NAALADL2: variants seen among roughly 807,000 people sequenced by gnomAD.
NAALADL2 encodes inactive N-acetylated-alpha-linked acidic dipeptidase-like protein 2.
A neutral mutation model predicts 87.2 loss-of-function variants in NAALADL2; 76 were observed. The ratio of observed to expected loss-of-function variants is 0.87; its 90% confidence interval spans 0.72 to 1.05. The LOEUF is 1.05. Among genes scored for constraint, NAALADL2 ranks in the 50% least tolerant of loss-of-function variants. The probability of loss-of-function intolerance (pLI) is 0.00; values close to 1 mark genes in which losing one functional copy is unlikely to be tolerated. For missense variants in NAALADL2, 1,089 were observed against 945.8 expected, an observed-to-expected ratio of 1.15 and a Z score of -1.99; for synonymous variants, 354 against 331.0, an observed-to-expected ratio of 1.07 and a Z score of -0.75.
intron 3 of NAALADL2, among the ~76,000 whole-genome samples, chr3:174,841,896 T>C (rs946726400): frequency 5.3e-5 from 8 of 152,194 alleles, no homozygotes; most frequent in Non-Finnish European, 8.8e-5. Flanking sequence ...ATGCCTTCCT[T>C]AGCATTCCTC....
chr3:174,767,304 G>C (rs1274647402), intron 3 of NAALADL2, among the ~76,000 whole-genome samples: 2 of 151,992 alleles, frequency 1.3e-5, no homozygotes, highest in Non-Finnish European at 2.9e-5. Flanking sequence ...ACATAATCAA[G>C]TTTGTTGCAT....
intron 2 of NAALADL2, among the ~76,000 whole-genome samples, chr3:175,148,599 CTTAG>C (rs1206717421): frequency 1.2e-4 from 19 of 152,136 alleles, no homozygotes; most frequent in Non-Finnish European, 2.8e-4. Flanking sequence ...TCTAATTCAT[CTTAG>C]TTAGTTAGTT....
At chr3:174,675,783 C>A (rs1279052740) in intron 2 of NAALADL2, among the ~76,000 whole-genome samples, 1 of 151,956 alleles carries the variant, frequency 6.6e-6, no homozygotes, top group African/African-American at 2.4e-5. Context: ...AGTAAGTCTA[C>A]CGAGTTTGAT....
Position 175,324,966 on chromosome 3 carries a change from C to A in NAALADL2, c.1090+641C>A, listed in dbSNP as rs1290206017. ...AATGGTGATTTTGGCAGATGCTCAC[C>A]GCATCATTGAATTTCTGTCCGATGT... On this transcript the variant is annotated intron_variant, in intron 5 of 13. Coordinates refer to ENST00000454872, the MANE Select transcript of NAALADL2 (RefSeq NM_207015.3). Among the ~76,000 whole-genome samples the A allele has an allele frequency of 2.6e-5, 4 of 152,246 alleles. No individual in the cohort carries two copies. In the East Asian group the frequency reaches 7.7e-4, roughly 29 times the overall value.
rs181948262 is a variant in NAALADL2, at chr3:175,131,556, A to G, written c.545+34265A>G. ...CATGTCTACCTCTTTCTACACAGAC[A>G]TGGCAACCATCCGATTTCTCAATCT... On this transcript the variant is annotated intron_variant, in intron 2 of 13. Transcript: ENST00000454872. 4.9e-3 allele frequency among the ~76,000 whole-genome samples: 739 copies of G among 152,296 alleles called. 4 individuals carry two copies. Among genetic ancestry groups the G allele is most frequent in the Middle Eastern group, 0.02 (6 of 294 alleles).
At chr3:175,403,653 A>G (rs1269330205) in intron 5 of NAALADL2, among the ~76,000 whole-genome samples, 1 of 152,282 alleles carries the variant, frequency 6.6e-6, no homozygotes, top group East Asian at 1.9e-4. Context: ...ATAATAAAGT[A>G]AGAAATGTCT....
intron 4 of NAALADL2, among the ~76,000 whole-genome samples, chr3:175,266,269 TTAA>T (rs1330699603): frequency 6.6e-6 from 1 of 151,270 alleles, no homozygotes; most frequent in Non-Finnish European, 1.5e-5. Flanking sequence ...TTTAAATATT[TTAA>T]TCATCTAATA....
At chr3:174,674,091 G>T (rs1411916389) in intron 2 of NAALADL2, among the ~76,000 whole-genome samples, 1 of 151,972 alleles carries the variant, frequency 6.6e-6, no homozygotes, top group Non-Finnish European at 1.5e-5. Context: ...AGGTTCTGGG[G>T]AGGTCTCAGG....
chr3:174,794,272 G>A (rs940481335), intron 3 of NAALADL2, among the ~76,000 whole-genome samples: 5 of 151,876 alleles, frequency 3.3e-5, no homozygotes, highest in African/African-American at 4.8e-5. Flanking sequence ...TGAAAAAAGC[G>A]GCAAGTATTT....
chr3:174,737,639 A>G lies in NAALADL2; in HGVS notation c.-114-2A>G, dbSNP rs1402038695. 1 of 152,228 alleles carries G rather than the reference A, an allele frequency of 6.6e-6. No homozygotes were observed. Among genetic ancestry groups the G allele is most frequent in the East Asian group, 1.9e-4 (1 of 5,194 alleles). The allele number at this position is 152,228 out of a possible 1,614,324, so 9.4% of individuals were successfully genotyped here. On this transcript the variant is annotated splice_acceptor_variant, in intron 2 of 3. Coordinates refer to the NAALADL2 transcript ENST00000434257. LOFTEE classifies it low-confidence loss of function (5UTR_SPLICE). ...TAACTCTGGTTTTTGATTTATGAACAGGAAATGAGCATTGACTATTAGGCA... is the reference window on the plus strand; with the variant it reads ...TAACTCTGGTTTTTGATTTATGAACGGGAAATGAGCATTGACTATTAGGCA...
intron 2 of NAALADL2, among the ~76,000 whole-genome samples, chr3:175,177,888 C>G (rs191205499): frequency 6.6e-6 from 1 of 151,746 alleles, no homozygotes. Flanking sequence ...ACAAAATAAT[C>G]TAAAAGCAGC....
At chr3:174,610,427 G>A (rs1719697439) in intron 2 of NAALADL2, among the ~76,000 whole-genome samples, 1 of 151,516 alleles carries the variant, frequency 6.6e-6, no homozygotes, top group South Asian at 2.1e-4. Context: ...CTGACAAAGG[G>A]CTAATATCCA....
At chr3:174,594,688 G>C (rs1183131061) in intron 2 of NAALADL2, among the ~76,000 whole-genome samples, 1 of 152,122 alleles carries the variant, frequency 6.6e-6, no homozygotes, top group African/African-American at 2.4e-5. Context: ...CACATAATAG[G>C]TCATATAGAC....
At chr3:175,541,251 A>G (rs963667090) in intron 9 of NAALADL2, among the ~76,000 whole-genome samples, 8 of 152,130 alleles carry the variant, frequency 5.3e-5, no homozygotes, top group African/African-American at 1.4e-4. Context: ...ACTTCTTCCT[A>G]CTCTCCAAAC....
intron 5 of NAALADL2, among the ~76,000 whole-genome samples, chr3:175,344,545 CAT>C (rs1032600757): frequency 6.6e-6 from 1 of 151,882 alleles, no homozygotes; most frequent in African/African-American, 2.4e-5. Flanking sequence ...AATAATTTGA[CAT>C]AACTTTAAAA....
At chr3:174,652,489 G>A (rs1724467634) in intron 2 of NAALADL2, among the ~76,000 whole-genome samples, 1 of 152,152 alleles carries the variant, frequency 6.6e-6, no homozygotes, top group African/African-American at 2.4e-5. Context: ...GGTGAAGGAA[G>A]AGCAAAGGCA....
chr3:174,598,026 T>C (rs1354104895), intron 2 of NAALADL2, among the ~76,000 whole-genome samples: 2 of 152,192 alleles, frequency 1.3e-5, no homozygotes, highest in Non-Finnish European at 2.9e-5. Context: ...TCTCTCTCTT[T>C]ATTCCTCAAA....
chr3:175,057,709 A>T (rs140059723), intron 1 of NAALADL2, among the ~76,000 whole-genome samples: 24 of 152,320 alleles, frequency 1.6e-4, no homozygotes, highest in Non-Finnish European at 2.9e-4. Context: ...TGTCAAGGTC[A>T]CTAAGATTCC....
At chr3:175,575,029 GA>G (rs529945507) in intron 9 of NAALADL2, among the ~76,000 whole-genome samples, 10 of 152,206 alleles carry the variant, frequency 6.6e-5, no homozygotes, top group Admixed American at 3.9e-4. Flanking sequence ...ACATTTTAAT[GA>G]ATATTAATTA....
Sources: allele counts gnomAD v4.1 joint callset (sites outside exome capture counted in the v4.1 genomes callset), GRCh38; gene constraint gnomAD v4.1.1; transcripts MANE v1.5; gene names NCBI Gene and HGNC (gene_info 2026-07-23, HGNC 2026-07-21).